The following PCDH9 variants were observed in gnomAD, a reference collection of about 807,000 sequenced individuals.
PCDH9 encodes protocadherin-9.
A neutral mutation model predicts 70.6 loss-of-function variants in PCDH9; 24 were observed. The observed-to-expected ratio is 0.34, with a 90% CI of 0.25 to 0.48. The LOEUF is 0.48. Ranked by LOEUF, PCDH9 falls within the 20% of genes least tolerant of loss-of-function variation. PCDH9 has a pLI of 0.99. For missense variants in PCDH9, 1,281 were observed against 1,503.6 expected (o/e 0.85, Z 2.45); for synonymous variants, 562 against 558.5 (o/e 1.01, Z -0.09).
At chr13:67,187,617 T>C (rs1180278421) in intron 2 of PCDH9, among the ~76,000 whole-genome samples, 1 of 152,172 alleles carries the variant, frequency 6.6e-6, no homozygotes, top group Non-Finnish European at 1.5e-5. Flanking sequence ...CACAGTTCTA[T>C]GATTATTGAT....
At chr13:67,066,677 T>G (rs988972830) in intron 2 of PCDH9, among the ~76,000 whole-genome samples, 2 of 152,202 alleles carry the variant, frequency 1.3e-5, no homozygotes, top group African/African-American at 4.8e-5. Context: ...ATACAGAATT[T>G]TTTTTATTAT....
At chr13:66,685,792 C>T (rs964972924) in intron 3 of PCDH9, among the ~76,000 whole-genome samples, 1 of 152,210 alleles carries the variant, frequency 6.6e-6, no homozygotes, top group African/African-American at 2.4e-5. Context: ...CATTTTGGAA[C>T]TTTAATGTTT....
At chr13:66,731,844 G>C (rs1320775336) in intron 3 of PCDH9, among the ~76,000 whole-genome samples, 2 of 151,738 alleles carry the variant, frequency 1.3e-5, no homozygotes, top group South Asian at 4.1e-4. Flanking sequence ...AAAGTATTTT[G>C]TATCACTATT....
At chr13:66,562,398 C>T (rs748971352) in intron 4 of PCDH9, among the ~76,000 whole-genome samples, 48 of 151,986 alleles carry the variant, frequency 3.2e-4, no homozygotes, top group Non-Finnish European at 5.1e-4. Flanking sequence ...TGTTCTCAAG[C>T]CGCTAATAAA....
Position 66,610,803 on chromosome 13 carries a change from T to G in PCDH9, c.3340+20407A>C, listed in dbSNP as rs561507119. On this transcript the variant is annotated intron_variant, in intron 4 of 4. Transcript: ENST00000377865. The stretch of plus-strand genomic sequence containing the variant: ...TAAAGAGAGGCTTTGAAAAACATTC[T>G]AATGAAGCACCACTCCTCCTGTGAC... Among the ~76,000 whole-genome samples, 14 of 152,282 alleles carry G rather than the reference T, an allele frequency of 9.2e-5. No homozygotes were observed. The South Asian group carries it at 2.9e-3, about 32-fold the overall frequency.
At chr13:66,425,034 A>T (rs796360903) in intron 4 of PCDH9, among the ~76,000 whole-genome samples, 2 of 152,040 alleles carry the variant, frequency 1.3e-5, no homozygotes, top group African/African-American at 4.8e-5. Context: ...AACAAAGAGA[A>T]GGCTAATATT....
intron 2 of PCDH9, chr13:67,214,395 T>C (rs1387665856): frequency 6.6e-6 from 1 of 152,178 alleles, no homozygotes; most frequent in Admixed American, 6.5e-5. Flanking sequence ...AGGTTTCAAA[T>C]GATTCCAGCT....
intron 4 of PCDH9, among the ~76,000 whole-genome samples, chr13:66,377,589 G>A (rs1296076785): frequency 2.0e-5 from 3 of 152,158 alleles, no homozygotes; most frequent in Admixed American, 6.6e-5. Context: ...GCTGTCCACT[G>A]ATGCATCCCA....
At chr13:67,205,462 G>A (rs1360830269) in intron 2 of PCDH9, 1 of 152,148 alleles carries the variant, frequency 6.6e-6, no homozygotes, top group East Asian at 1.9e-4. Flanking sequence ...GAAAATAACT[G>A]AGTTCTCGCA....
chr13:67,157,050 T>C (rs961341894), intron 2 of PCDH9, among the ~76,000 whole-genome samples: 3 of 152,248 alleles, frequency 2.0e-5, no homozygotes, highest in Non-Finnish European at 2.9e-5. Context: ...ATCTCTTTAT[T>C]TCTTTTGCTT....
chr13:67,060,488 T>G (rs1474849847), intron 2 of PCDH9, among the ~76,000 whole-genome samples: 1 of 152,078 alleles, frequency 6.6e-6, no homozygotes, highest in Non-Finnish European at 1.5e-5. Flanking sequence ...CTATTCTTTG[T>G]TCTCACCTGT....
At chr13:67,189,314 A>C (rs2088847500) in intron 2 of PCDH9, among the ~76,000 whole-genome samples, 1 of 151,990 alleles carries the variant, frequency 6.6e-6, no homozygotes, top group African/African-American at 2.4e-5. Context: ...GTAACTTTCA[A>C]GATTTTTTAT....
At chr13:66,759,572 CTT>C (rs989625712) in intron 3 of PCDH9, among the ~76,000 whole-genome samples, 2 of 151,840 alleles carry the variant, frequency 1.3e-5, no homozygotes, top group Admixed American at 6.6e-5. Context: ...TTCTTCCTCT[CTT>C]GTTTCTTTCT....
rs111737940 is a variant in PCDH9, at chr13:66,626,490, C to T, written c.3340+4720G>A. Among the ~76,000 whole-genome samples, 377 of 152,196 alleles carry T rather than the reference C, an allele frequency of 2.5e-3. 1 individual carries two copies. Among genetic ancestry groups the T allele is most frequent in the Non-Finnish European group, 4.2e-3 (287 of 68,004 alleles). ...AATGAAGGCAGTCTCATTTGAGACC[C>T]CTCTAGGCAGATGAGACAATGGACA... On this transcript the variant is annotated intron_variant, in intron 4 of 4. Transcript: ENST00000377865.
chr13:66,829,717 C>CAAAAAAAAAAAAAAAAAAAAAAAAAAA, intron 3 of PCDH9, among the ~76,000 whole-genome samples: 1 of 53,128 alleles, frequency 1.9e-5, no homozygotes, highest in African/African-American at 7.1e-5. Context: ...GACTCCGTCT[C>CAAAAAAAAAAAAAAAAAAAAAAAAAAA]AAAAAAAAAA....
rs537894925 is a variant in PCDH9, at chr13:66,558,915, A to G, written c.3340+72295T>C. Reference sequence around the variant, plus strand: ...AACTAAAATTCTGTAAACCAAATGGAAGAATTCGTCAATGAAGTGAGACAT... The same window carrying G: ...AACTAAAATTCTGTAAACCAAATGGGAGAATTCGTCAATGAAGTGAGACAT... On this transcript the variant is annotated intron_variant, in intron 4 of 4. Transcript: ENST00000377865. Among the ~76,000 whole-genome samples the G allele has an allele frequency of 2.6e-5, 4 of 152,278 alleles. No individual in the cohort carries two copies. In the East Asian group the frequency reaches 7.7e-4, roughly 29 times the overall value.
chr13:66,870,438 G>T (rs2081656140), intron 3 of PCDH9, among the ~76,000 whole-genome samples: 1 of 152,114 alleles, frequency 6.6e-6, no homozygotes, highest in Non-Finnish European at 1.5e-5. Flanking sequence ...ACTACCATCA[G>T]AGTGAACAGG....
chr13:67,033,487 A>G (rs1374590225), intron 2 of PCDH9, among the ~76,000 whole-genome samples: 1 of 152,144 alleles, frequency 6.6e-6, no homozygotes, highest in East Asian at 1.9e-4. Context: ...CTGTTATTCA[A>G]TCTGTGAGCA....
intron 2 of PCDH9, among the ~76,000 whole-genome samples, chr13:67,071,543 C>T (rs779548422): frequency 1.3e-5 from 2 of 151,910 alleles, no homozygotes; most frequent in Non-Finnish European, 2.9e-5. Flanking sequence ...GTAAATAGAA[C>T]ACAAATTTAT....
Sources: gnomAD v4.1 joint callset for allele counts (sites outside exome capture counted in the v4.1 genomes callset) on GRCh38, gnomAD v4.1.1 for gene constraint, MANE v1.5 for transcripts, NCBI Gene and HGNC (gene_info 2026-07-23, HGNC 2026-07-21) for gene names.